Variants in NRXN1 observed in about 807,000 individuals in gnomAD.
The protein encoded by NRXN1 is neurexin 1.
In NRXN1, 39 loss-of-function variants were observed where a neutral mutation model predicts 150.9. That is an observed-to-expected ratio of 0.26 (90% CI 0.20 to 0.34). NRXN1 has a LOEUF of 0.34. Among genes scored for constraint, NRXN1 ranks in the 10% least tolerant of loss-of-function variants. The probability of loss-of-function intolerance (pLI) is 1.00; values close to 1 mark genes in which losing one functional copy is unlikely to be tolerated. For missense variants in NRXN1, 1,815 were observed against 1,949.9 expected (o/e 0.93, Z 1.30); for synonymous variants, 924 against 757.0 (o/e 1.22, Z -3.62).
intron 8 of NRXN1, among the ~76,000 whole-genome samples, chr2:50,605,153 T>A (rs1275377845): frequency 6.6e-6 from 1 of 152,218 alleles, no homozygotes; most frequent in African/African-American, 2.4e-5. Context: ...TGTTTATCTC[T>A]CCTCAACCAT....
chr2:50,712,749 C>G (rs1036351606), intron 5 of NRXN1, among the ~76,000 whole-genome samples: 1 of 152,098 alleles, frequency 6.6e-6, no homozygotes, highest in African/African-American at 2.4e-5. Flanking sequence ...GTGAGCTTGG[C>G]AGCTTTGTGT....
intron 17 of NRXN1, among the ~76,000 whole-genome samples, chr2:50,301,179 T>C (rs751501622): frequency 6.6e-6 from 1 of 152,208 alleles, no homozygotes; most frequent in African/African-American, 2.4e-5. Context: ...TCATTTAAAT[T>C]TCAGCCTCTT....
At chr2:50,508,660 A>G (rs1403457914) in intron 12 of NRXN1, among the ~76,000 whole-genome samples, 1 of 152,116 alleles carries the variant, frequency 6.6e-6, no homozygotes, top group Admixed American at 6.6e-5. Context: ...GGAAGCATAC[A>G]TAAGGGTGAT....
intron 10 of NRXN1, among the ~76,000 whole-genome samples, chr2:50,535,678 C>G (rs2105240226): frequency 6.6e-6 from 1 of 152,304 alleles, no homozygotes; most frequent in Admixed American, 6.5e-5. Context: ...TATTTCTGTA[C>G]TACTCCTTCT....
intron 8 of NRXN1, among the ~76,000 whole-genome samples, chr2:50,604,377 C>CT (rs1676761322): frequency 6.6e-6 from 1 of 152,126 alleles, no homozygotes; most frequent in Non-Finnish European, 1.5e-5. Context: ...AACTCTGAAC[C>CT]ACTGACCTAC....
At chr2:50,123,411 G>A (rs151308482) in intron 18 of NRXN1, among the ~76,000 whole-genome samples, 99 of 152,288 alleles carry the variant, frequency 6.5e-4, no homozygotes, top group African/African-American at 2.2e-3. Context: ...ATGGTATTTG[G>A]TTGGAGCAAA....
At chr2:50,835,746 T>C (rs1040876218) in intron 5 of NRXN1, among the ~76,000 whole-genome samples, 7 of 152,224 alleles carry the variant, frequency 4.6e-5, no homozygotes, top group Admixed American at 3.3e-4. Flanking sequence ...GCTATGCAAG[T>C]ATACATACTG....
intron 2 of NRXN1, among the ~76,000 whole-genome samples, chr2:50,939,454 T>A (rs776872103): frequency 6.6e-6 from 1 of 152,002 alleles, no homozygotes; most frequent in Non-Finnish European, 1.5e-5. Context: ...TATGATTTAT[T>A]ATTTATAATA....
At chr2:50,196,302 T>A (rs148259653) in intron 18 of NRXN1, among the ~76,000 whole-genome samples, 3 of 152,284 alleles carry the variant, frequency 2.0e-5, no homozygotes, top group Non-Finnish European at 4.4e-5. Flanking sequence ...AGCTGAGAAA[T>A]GCCTTTTAGA....
chr2:50,357,831 A>G (rs1038987418), intron 17 of NRXN1, among the ~76,000 whole-genome samples: 1 of 152,216 alleles, frequency 6.6e-6, no homozygotes, highest in African/African-American at 2.4e-5. Context: ...GCTCCTAGCA[A>G]GACCAATTCA....
At chr2:50,389,334 C>A (rs1461463332) in intron 17 of NRXN1, among the ~76,000 whole-genome samples, 1 of 149,664 alleles carries the variant, frequency 6.7e-6, no homozygotes, top group East Asian at 1.9e-4. Context: ...AATATGAACA[C>A]CATTTAGTCC....
intron 21 of NRXN1, among the ~76,000 whole-genome samples, chr2:50,004,851 T>C: frequency 6.6e-6 from 1 of 152,208 alleles, no homozygotes; most frequent in Non-Finnish European, 1.5e-5. Flanking sequence ...TAAAATAACT[T>C]AGACTTTTTC....
At chr2:50,324,175 T>C (rs2076230510) in intron 17 of NRXN1, among the ~76,000 whole-genome samples, 1 of 152,142 alleles carries the variant, frequency 6.6e-6, no homozygotes, top group Non-Finnish European at 1.5e-5. Flanking sequence ...GAAGGACTAG[T>C]GAGAAAGCTA....
In NRXN1 at chr2:50,347,153, A is replaced by C; in HGVS notation, c.3365-110183T>G. The C allele has an allele frequency of 7.3e-7, 1 of 1,373,524 alleles. No individual in the cohort carries two copies. The highest frequency in any genetic ancestry group is 9.6e-7 in the Non-Finnish European group (1 of 1,044,784). 85.1% of individuals were successfully genotyped at this position (1,373,524 alleles called of 1,614,324 possible). A position where few individuals can be genotyped will look rare whatever the true frequency, so the allele number is the denominator to read the frequency against. ...GTGCCTAGCACCCCAAACAATCCGA[A>C]ACATAGCCGAGGCGAATGCAGCTGG... On this transcript the variant is annotated intron_variant, in intron 17 of 22. Transcript: ENST00000401669. The surrounding 1 kb of genome is among the most constrained non-coding windows in gnomAD (Gnocchi z 4.9).
chr2:50,473,523 T>C (rs1304602230), intron 15 of NRXN1, among the ~76,000 whole-genome samples: 1 of 152,056 alleles, frequency 6.6e-6, no homozygotes, highest in Admixed American at 6.6e-5. Context: ...AGTAATATGC[T>C]GCTATAGCTC....
intron 8 of NRXN1, among the ~76,000 whole-genome samples, chr2:50,572,495 C>T (rs1670806030): frequency 6.6e-6 from 1 of 152,116 alleles, no homozygotes; most frequent in Non-Finnish European, 1.5e-5. Flanking sequence ...TTAATGTTAA[C>T]AATAATAGCC....
chr2:50,628,632 ATG>A (rs909202551), intron 5 of NRXN1, among the ~76,000 whole-genome samples: 2 of 151,752 alleles, frequency 1.3e-5, no homozygotes, highest in Non-Finnish European at 3.0e-5. Flanking sequence ...GTGTTTACAT[ATG>A]TGTTTCTGCT....
intron 17 of NRXN1, among the ~76,000 whole-genome samples, chr2:50,385,106 C>T (rs1377209572): frequency 1.3e-5 from 2 of 152,186 alleles, no homozygotes; most frequent in Non-Finnish European, 2.9e-5. Context: ...TTAGCAAGCA[C>T]TTTAGCGTTT....
Position 50,451,027 on chromosome 2 carries a change from T to C in NRXN1, c.3364+14415A>G, listed in dbSNP as rs555902512. 3.3e-5 allele frequency among the ~76,000 whole-genome samples: 5 copies of C among 152,306 alleles called. No homozygotes were observed. In the East Asian group the frequency reaches 7.7e-4, roughly 24 times the overall value. On this transcript the variant is annotated intron_variant, in intron 17 of 22. Coordinates refer to ENST00000401669, the MANE Select transcript of NRXN1 (RefSeq NM_001330078.2). ...CAAGGTCTCCCTCTGTTGAGTGCAG[T>C]GGCATCATCACTCACTGCAACCTCC...
Sources: gnomAD v4.1 joint callset for allele counts (sites outside exome capture counted in the v4.1 genomes callset) on GRCh38, gnomAD v4.1.1 for gene constraint, Gnocchi (gnomAD v3.1) non-coding constraint, MANE v1.5 for transcripts, NCBI Gene and HGNC (gene_info 2026-07-23, HGNC 2026-07-21) for gene names.